The following LGALSL variants were observed in gnomAD, a reference collection of about 807,000 sequenced individuals.
The protein encoded by LGALSL is galectin like.
Under a neutral mutation model 19.5 loss-of-function variants are expected in LGALSL, and 13 were observed. That is an observed-to-expected ratio of 0.67 (90% CI 0.43 to 1.06). The LOEUF (loss-of-function observed/expected upper bound fraction) is 1.06, where lower values mean the gene tolerates loss of function less well. LGALSL is among the 50% of genes least tolerant of loss of function. The pLI is 0.00. For missense variants in LGALSL, 189 were observed against 219.3 expected (o/e 0.86, Z 0.87); for synonymous variants, 86 against 78.3 (o/e 1.10, Z -0.52).
Position 64,454,617 on chromosome 2 carries a change from C to T in LGALSL, c.36+36C>T. The T allele has an allele frequency of 7.4e-7, 1 of 1,357,180 alleles. No individual in the cohort carries two copies. Among genetic ancestry groups the T allele is most frequent in the Non-Finnish European group, 9.6e-7 (1 of 1,047,026 alleles). 84.1% of individuals were successfully genotyped at this position (1,357,180 alleles called of 1,614,324 possible). A position where few individuals can be genotyped will look rare whatever the true frequency, so the allele number is the denominator to read the frequency against. ...CAGGGCGCGCGCGAGGCGCCCCTCCCCGCCGTCCCGCACTCCGCCGCCGCC... is the reference window on the plus strand; with the variant it reads ...CAGGGCGCGCGCGAGGCGCCCCTCCTCGCCGTCCCGCACTCCGCCGCCGCC... On this transcript the variant is annotated intron_variant, in intron 1 of 4. Coordinates refer to ENST00000238875, the MANE Select transcript of LGALSL (RefSeq NM_014181.3). This position sits in a 1 kb window ranked among gnomAD's most constrained non-coding sequence, Gnocchi z 5.1.
chr2:64,458,560 G>A lies in LGALSL; in HGVS notation c.*132G>A, dbSNP rs1315470345. 6.8e-6 allele frequency: 6 copies of A among 888,652 alleles called. No individual in the cohort carries two copies. In the South Asian group the frequency reaches 7.8e-5, roughly 12 times the overall value. The allele number at this position is 888,652 out of a possible 1,614,324, so 55.0% of individuals were successfully genotyped here. A position where few individuals can be genotyped will look rare whatever the true frequency, so the allele number is the denominator to read the frequency against. ...CAAATGGCAAGTTTCACTTAAGGGT[G>A]GTTTGCCCTTAAGAAGAAAGCTGTT... is the stretch of plus-strand genomic sequence containing the variant. On this transcript the variant is annotated 3_prime_UTR_variant, in exon 5 of 5. Coordinates refer to ENST00000238875, the MANE Select transcript of LGALSL (RefSeq NM_014181.3).
intron 3 of LGALSL, 88 bp from the exon 4 acceptor site, chr2:64,456,200 A>AGAG: frequency 8.3e-7 from 1 of 1,201,726 alleles, no homozygotes; most frequent in South Asian, 1.3e-5. Flanking sequence ...GGACAAACCC[A>AGAG]GAGGAGGAAG....
Position 64,458,890 on chromosome 2 carries a change from G to C in LGALSL, c.*462G>C, listed in dbSNP as rs1306617984. On this transcript the variant is annotated 3_prime_UTR_variant, in exon 5 of 5. Coordinates refer to ENST00000238875, the MANE Select transcript of LGALSL (RefSeq NM_014181.3). The stretch of plus-strand genomic sequence containing the variant: ...AGGTTTGACTTTTTTTTTGTTTTTT[G>C]TTTTTGTTTTTGTTTTTGTTTTGCA... The C allele has an allele frequency of 6.6e-6, 1 of 152,126 alleles. No individual in the cohort carries two copies. The highest frequency in any genetic ancestry group is 2.4e-5 in the African/African-American group (1 of 41,284). 9.4% of individuals were successfully genotyped at this position (152,126 alleles called of 1,614,324 possible).
rs3083174 is a variant in LGALSL, at chr2:64,455,928, ATTT to A, written c.197+266_197+268del. ...CTTTGACCCTTAGGGAGGCCAGAGG[ATTT>A]TTTTTTTTTTTTTTAATGGTTTTGA... On this transcript the variant is annotated intron_variant, in intron 3 of 4. Transcript: ENST00000238875. Among the ~76,000 whole-genome samples, 346 of 147,694 alleles carry A rather than the reference ATTT, an allele frequency of 2.3e-3. 1 individual carries two copies. Among genetic ancestry groups the A allele is most frequent in the East Asian group, 0.016 (83 of 5,054 alleles).
rs1372844974 is a variant in LGALSL, at chr2:64,456,363, C to G, written c.273C>G (p.Phe91Leu). Residue 91 changes from phenylalanine to leucine, a missense_variant, in exon 4 of 5, where the codon TTC becomes TTG. Physicochemically the swap from Phe to Leu is conservative, Grantham distance 22. Transcript: ENST00000238875. Reference protein sequence around the residue: ...ADVAIELKAVFTDRQLLRNSC... With the variant: ...ADVAIELKAVLTDRQLLRNSC... ...TGGCAATCGAACTCAAAGCTGTGTTCACAGATCGGCAGCTACTCAGAAATT... is the reference window on the plus strand; with the variant it reads ...TGGCAATCGAACTCAAAGCTGTGTTGACAGATCGGCAGCTACTCAGAAATT... 6.2e-7 allele frequency: 1 copy of G among 1,612,160 alleles called. No individual in the cohort carries two copies. The highest frequency in any genetic ancestry group is 8.5e-7 in the Non-Finnish European group (1 of 1,179,214).
rs982212266 is a variant in LGALSL at position 64,454,817 on chromosome 2, G to C, written c.36+236G>C. ...GGGAGGGAGTTTGGGGAGGATGGCG[G>C]GTAGGGACGCCCGACAGCCCCCTCT... On this transcript the variant is annotated intron_variant, in intron 1 of 4. Transcript: ENST00000238875. This position sits in a 1 kb window ranked among gnomAD's most constrained non-coding sequence, Gnocchi z 5.1. Among the ~76,000 whole-genome samples the C allele has an allele frequency of 6.6e-6, 1 of 151,794 alleles. No homozygotes were observed. Among genetic ancestry groups the C allele is most frequent in the African/African-American group, 2.4e-5 (1 of 41,318 alleles).
At chr2:64,455,311 A>G in intron 1 of LGALSL, 33 bp from the exon 2 acceptor site, 1 of 1,499,202 alleles carries the variant, frequency 6.7e-7, no homozygotes. Flanking sequence ...AAAAGAGCCC[A>G]TGGAAAGCCA....
At chr2:64,456,210 G>A in intron 3 of LGALSL, 78 bp from the exon 4 acceptor site, 2 of 1,298,300 alleles carry the variant, frequency 1.5e-6, no homozygotes, top group Non-Finnish European at 2.2e-6. Context: ...AGAGGAGGAA[G>A]AAGAAATATA....
chr2:64,457,168 A>G (rs1006805861), intron 4 of LGALSL, among the ~76,000 whole-genome samples: 1 of 152,198 alleles, frequency 6.6e-6, no homozygotes, highest in Non-Finnish European at 1.5e-5. Flanking sequence ...GCTTGTGCCT[A>G]TAATCCCACC....
rs773992327 is a variant in LGALSL, at chr2:64,459,373, T to C, written c.*945T>C. 1 of 152,230 alleles carries C rather than the reference T, an allele frequency of 6.6e-6. No individual in the cohort carries two copies. Among genetic ancestry groups the C allele is most frequent in the African/African-American group, 2.4e-5 (1 of 41,456 alleles). 9.4% of individuals were successfully genotyped at this position (152,230 alleles called of 1,614,324 possible). ...CACAAAGAGGTGATTGCTTAGACAATTTTTAAAGTGACTATAGTATAAACT... is the reference window on the plus strand; with the variant it reads ...CACAAAGAGGTGATTGCTTAGACAACTTTTAAAGTGACTATAGTATAAACT... On this transcript the variant is annotated 3_prime_UTR_variant, in exon 5 of 5. Transcript: ENST00000238875.
chr2:64,454,435 G>GCGCC lies in LGALSL; in HGVS notation c.-106_-103dup, dbSNP rs1437137663. 5 of 453,756 alleles carry GCGCC rather than the reference G, an allele frequency of 1.1e-5. No individual in the cohort carries two copies. The highest frequency in any genetic ancestry group is 1.1e-4 in the African/African-American group (5 of 46,406). The allele number at this position is 453,756 out of a possible 1,614,324, so 28.1% of individuals were successfully genotyped here. A position where few individuals can be genotyped will look rare whatever the true frequency, so the allele number is the denominator to read the frequency against. ...CGCGCGCGCCCCCTCGTGTGTGCGC[G>GCGCC]CGCCCGCCGCCAGCTCGGACCCGCG... is the stretch of plus-strand genomic sequence containing the variant. On this transcript the variant is annotated 5_prime_UTR_variant, in exon 1 of 5. Coordinates refer to ENST00000238875, the MANE Select transcript of LGALSL (RefSeq NM_014181.3). The surrounding 1 kb of genome is among the most constrained non-coding windows in gnomAD (Gnocchi z 5.1).
chr2:64,455,982 T>C (rs1686729108), intron 3 of LGALSL, among the ~76,000 whole-genome samples: 1 of 151,550 alleles, frequency 6.6e-6, no homozygotes, highest in South Asian at 2.1e-4. Context: ...GCAAGAACTA[T>C]CAAGATGAAT....
chr2:64,456,274 G>T lies in LGALSL; in HGVS notation c.198-14G>T. ...ATATCCAACCCTTAATCAGTGGGAT[G>T]ATTTTCTTTTCAGCTTTGCAATCAG... On this transcript the variant is annotated splice_polypyrimidine_tract_variant and intron_variant, in intron 3 of 4. Transcript: ENST00000238875. 2 of 1,608,540 alleles carry T rather than the reference G, an allele frequency of 1.2e-6. No homozygotes were observed. The highest frequency in any genetic ancestry group is 1.7e-6 in the Non-Finnish European group (2 of 1,177,642).
chr2:64,455,290 C>G, intron 1 of LGALSL, 54 bp from the exon 2 acceptor site: 1 of 1,206,884 alleles, frequency 8.3e-7, no homozygotes, highest in Admixed American at 1.7e-5. Context: ...GTTCTTCCTC[C>G]AGCCCCCCAA....
intron 4 of LGALSL, among the ~76,000 whole-genome samples, chr2:64,456,694 A>T (rs758432631): frequency 2.6e-5 from 4 of 152,194 alleles, no homozygotes; most frequent in Non-Finnish European, 5.9e-5. Flanking sequence ...ATAGACCCAT[A>T]TTTACATGTC....
At chr2:64,458,006 A>G (rs1453672363) in intron 4 of LGALSL, among the ~76,000 whole-genome samples, 2 of 152,232 alleles carry the variant, frequency 1.3e-5, no homozygotes, top group Non-Finnish European at 2.9e-5. Context: ...GTGAATGCCA[A>G]TGCTTTTAAT....
In LGALSL at chr2:64,456,654, T is replaced by A. The variant is rs1179209177; in HGVS notation, c.375+189T>A. On this transcript the variant is annotated intron_variant, in intron 4 of 4. Transcript: ENST00000238875. ...ATAAATTAACACTTGCCATAGTATCTTCTTAGTTCTATTCAGGTCATACAT... is the reference window on the plus strand; with the variant it reads ...ATAAATTAACACTTGCCATAGTATCATCTTAGTTCTATTCAGGTCATACAT... Among the ~76,000 whole-genome samples the A allele has an allele frequency of 2.6e-5, 4 of 152,352 alleles. No homozygotes were observed. In the South Asian group the frequency reaches 8.3e-4, roughly 32 times the overall value.
At chr2:64,456,980 T>C (rs1439495683) in intron 4 of LGALSL, among the ~76,000 whole-genome samples, 4 of 152,224 alleles carry the variant, frequency 2.6e-5, no homozygotes, top group Non-Finnish European at 4.4e-5. Flanking sequence ...TATTTCATGG[T>C]TACAGGCTGT....
In LGALSL at chr2:64,454,585, A is replaced by G. The variant is rs745505289; in HGVS notation, c.36+4A>G. On this transcript the variant is annotated splice_donor_region_variant and intron_variant, in intron 1 of 4. Coordinates refer to ENST00000238875, the MANE Select transcript of LGALSL (RefSeq NM_014181.3). The surrounding 1 kb of genome is among the most constrained non-coding windows in gnomAD (Gnocchi z 5.1). ...GGCCGACAGCGATGCCGTGGTGGTGAGTGTGGCAGGGCGCGCGCGAGGCGC... is the reference window on the plus strand; with the variant it reads ...GGCCGACAGCGATGCCGTGGTGGTGGGTGTGGCAGGGCGCGCGCGAGGCGC... 7.0e-7 allele frequency: 1 copy of G among 1,429,962 alleles called. No individual in the cohort carries two copies. Among genetic ancestry groups the G allele is most frequent in the South Asian group, 1.4e-5 (1 of 69,494 alleles). 88.6% of individuals were successfully genotyped at this position (1,429,962 alleles called of 1,614,324 possible).
Sources: gnomAD v4.1 joint callset for allele counts (sites outside exome capture counted in the v4.1 genomes callset) on GRCh38, gnomAD v4.1.1 for gene constraint, Gnocchi (gnomAD v3.1) non-coding constraint, MANE v1.5 for transcripts, NCBI Gene and HGNC (gene_info 2026-07-23, HGNC 2026-07-21) for gene names.